Variants in CCNB1 observed in about 807,000 individuals in gnomAD.
CCNB1 encodes the protein cyclin B1, also known as G2/mitotic-specific cyclin-B1.
In CCNB1, 26 loss-of-function variants were observed where a neutral mutation model predicts 44.4. The ratio of observed to expected loss-of-function variants is 0.59; its 90% CI spans 0.43 to 0.81. The LOEUF is 0.81. Ranked by LOEUF, CCNB1 falls within the 40% of genes least tolerant of loss-of-function variation. The pLI, the probability that CCNB1 is intolerant of heterozygous loss-of-function variation, is 0.00. For missense variants in CCNB1, 477 were observed against 520.9 expected, an observed-to-expected ratio of 0.92 and a Z score of 0.82; for synonymous variants, 195 against 181.4, an observed-to-expected ratio of 1.08 and a Z score of -0.60.
chr5:69,170,165 T>TAG (rs1262275202), intron 3 of CCNB1, among the ~76,000 whole-genome samples: 3 of 151,392 alleles, frequency 2.0e-5, no homozygotes, highest in Admixed American at 6.6e-5. Context: ...TTATTTTTAG[T>TAG]AGAGATGGAG....
In CCNB1 at chr5:69,171,423, G is replaced by C. The variant is rs1230841492; in HGVS notation, c.517G>C (p.Asp173His). Reference protein sequence around the residue: ...DPNLCSEYVKDIYAYLRQLEE... With the variant: ...DPNLCSEYVKHIYAYLRQLEE... ...AAACCTTTGTAGTGAATATGTGAAAGATATTTATGCTTATCTGAGACAACT... is the reference window on the plus strand; with the variant it reads ...AAACCTTTGTAGTGAATATGTGAAACATATTTATGCTTATCTGAGACAACT... The change falls in exon 4 of 9, where the codon GAT becomes CAT. Residue 173 changes from aspartate (D) to histidine (H), a missense_variant. By Grantham distance (81) the Asp-to-His change is moderately conservative. Transcript: ENST00000256442. 3 of 1,609,218 alleles carry C rather than the reference G, an allele frequency of 1.9e-6. No homozygotes were observed. Among genetic ancestry groups the C allele is most frequent in the Admixed American group, 3.4e-5 (2 of 58,518 alleles).
Position 69,177,708 on chromosome 5 carries a change from A to C in CCNB1, c.*77A>C. 1 of 825,580 alleles carries C rather than the reference A, an allele frequency of 1.2e-6. No individual in the cohort carries two copies. The highest frequency in any genetic ancestry group is 2.0e-6 in the Non-Finnish European group (1 of 502,724). 51.1% of individuals were successfully genotyped at this position (825,580 alleles called of 1,614,324 possible). A position where few individuals can be genotyped will look rare whatever the true frequency, so the allele number is the denominator to read the frequency against. On this transcript the variant is annotated 3_prime_UTR_variant, in exon 9 of 9. Coordinates refer to ENST00000256442, the MANE Select transcript of CCNB1 (RefSeq NM_031966.4). Reference sequence around the variant, plus strand: ...TGCCATCTGTACATATTACTGTTGCATTTACTTTTAATAAAGCTTGTGGCC... The same window carrying C: ...TGCCATCTGTACATATTACTGTTGCCTTTACTTTTAATAAAGCTTGTGGCC...
intron 1 of CCNB1, chr5:69,167,606 C>G (rs1306569822): frequency 2.0e-6 from 1 of 504,612 alleles, no homozygotes; most frequent in African/African-American, 2.0e-5. Flanking sequence ...CTCTGTAACC[C>G]CCTTCCCAGA....
At chr5:69,173,839 G>A (rs530175771) in intron 4 of CCNB1, among the ~76,000 whole-genome samples, 19 of 151,712 alleles carry the variant, frequency 1.3e-4, no homozygotes, top group African/African-American at 3.4e-4. Context: ...GTGCAATCTC[G>A]GCTCCCTGCA....
intron 3 of CCNB1, among the ~76,000 whole-genome samples, chr5:69,168,933 A>G (rs188402430): frequency 2.6e-5 from 4 of 152,344 alleles, no homozygotes; most frequent in East Asian, 3.9e-4. Flanking sequence ...AATATAAGGT[A>G]TGTAAATGTA....
At chr5:69,173,376 A>T (rs1314165220) in intron 4 of CCNB1, among the ~76,000 whole-genome samples, 2 of 152,232 alleles carry the variant, frequency 1.3e-5, no homozygotes, top group Admixed American at 6.5e-5. Context: ...TGCTGCAGAC[A>T]TCACAGCCTA....
chr5:69,174,321 T>C lies in CCNB1; in HGVS notation c.617T>C (p.Ile206Thr), dbSNP rs770800439. Residue 206 changes from isoleucine (I) to threonine (T), a missense_variant, in exon 5 of 9, where the codon ATT becomes ACT. Ile to Thr is a moderately conservative substitution (Grantham distance 89, BLOSUM62 -1). Coordinates refer to ENST00000256442, the MANE Select transcript of CCNB1 (RefSeq NM_031966.4). ...EVTGNMRAILIDWLVQVQMKF... is the reference protein window; with the variant it reads ...EVTGNMRAILTDWLVQVQMKF... ...ACTGGAAACATGAGAGCCATCCTAA[T>C]TGACTGGCTAGTACAGGTTCAAATG... 1.9e-6 allele frequency: 3 copies of C among 1,614,014 alleles called. No homozygotes were observed. The African/African-American group carries it at 4.0e-5, about 22-fold the overall frequency.
Position 69,174,410 on chromosome 5 carries a change from G to A in CCNB1, c.705+1G>A, listed in dbSNP as rs749248889. 1.9e-6 allele frequency: 3 copies of A among 1,612,854 alleles called. No individual in the cohort carries two copies. The highest frequency in any genetic ancestry group is 2.5e-6 in the Non-Finnish European group (3 of 1,179,562). On this transcript the variant is annotated splice_donor_variant, in intron 5 of 8. Transcript: ENST00000256442. LOFTEE classifies it high-confidence loss of function. ...CTCCATTATTGATCGGTTCATGCAG[G>A]TGAGCATTTCAGTAAGAGTTTTCCC...
At chr5:69,172,192 C>T (rs1747475355) in intron 4 of CCNB1, among the ~76,000 whole-genome samples, 1 of 149,200 alleles carries the variant, frequency 6.7e-6, no homozygotes, top group Non-Finnish European at 1.5e-5. Context: ...ATTCTCCTGC[C>T]TCGGCCTCCC....
At chr5:69,176,080 G>A (rs983235926) in intron 7 of CCNB1, among the ~76,000 whole-genome samples, 3 of 148,418 alleles carry the variant, frequency 2.0e-5, no homozygotes, top group African/African-American at 7.5e-5. Context: ...TAGACATGGG[G>A]TCTCTCTATA....
intron 6 of CCNB1, 88 bp from the exon 7 acceptor site, chr5:69,175,309 T>C: frequency 8.0e-7 from 1 of 1,247,912 alleles, no homozygotes. Context: ...TAGACAAACA[T>C]TTGTAGTTAA....
chr5:69,168,141 G>C (rs1306442943), intron 2 of CCNB1, 32 bp from the exon 3 acceptor site: 2 of 1,611,836 alleles, frequency 1.2e-6, no homozygotes, highest in Non-Finnish European at 1.7e-6. Flanking sequence ...CTTTGATGCA[G>C]AAACATTTCA....
chr5:69,176,635 G>C (rs1321924680), intron 7 of CCNB1, among the ~76,000 whole-genome samples: 1 of 150,988 alleles, frequency 6.6e-6, no homozygotes, highest in Non-Finnish European at 1.5e-5. Context: ...CTCCCAAAGT[G>C]CTGGGATTAC....
At chr5:69,176,860 TC>T (rs1747606608) in intron 7 of CCNB1, among the ~76,000 whole-genome samples, 1 of 151,560 alleles carries the variant, frequency 6.6e-6, no homozygotes, top group Admixed American at 6.6e-5. Context: ...GCGCCTGTAA[TC>T]CCAGCTACTC....
At chr5:69,177,136 C>G in intron 7 of CCNB1, 103 bp from the exon 8 acceptor site, 1 of 637,762 alleles carries the variant, frequency 1.6e-6, no homozygotes, top group Non-Finnish European at 2.8e-6. Context: ...ATTAATTATA[C>G]AGTACCCATC....
chr5:69,172,311 G>A (rs1447897984), intron 4 of CCNB1, among the ~76,000 whole-genome samples: 3 of 152,134 alleles, frequency 2.0e-5, no homozygotes, highest in African/African-American at 7.2e-5. Flanking sequence ...CCAGGCTGGA[G>A]TGCAGTGGTG....
At chr5:69,171,557 T>G in intron 4 of CCNB1, 105 bp downstream of exon 4, 1 of 760,236 alleles carries the variant, frequency 1.3e-6, no homozygotes. Flanking sequence ...CAGCATTTCT[T>G]AAGAGATCGC....
Position 69,175,396 on chromosome 5 carries a change from G to A in CCNB1, c.943-1G>A. The A allele has an allele frequency of 1.2e-6, 2 of 1,612,982 alleles. No homozygotes were observed. The highest frequency in any genetic ancestry group is 1.7e-6 in the Non-Finnish European group (2 of 1,179,714). The stretch of plus-strand genomic sequence containing the variant: ...ACTCAGTAACATGGGTTTTGTTTCA[G>A]GTTGATGTCGAGCAACATACTTTGG... On this transcript the variant is annotated splice_acceptor_variant, in intron 6 of 8. Transcript: ENST00000256442. LOFTEE classifies it high-confidence loss of function.
Position 69,167,187 on chromosome 5 carries a change from G to T in CCNB1, c.-76G>T, listed in dbSNP as rs164390. The stretch of plus-strand genomic sequence containing the variant: ...CGGAACGGCTGTTGGTTTCTGCTGG[G>T]TGTAGGTCCTTGGCTGGTCGGGCCT... On this transcript the variant is annotated 5_prime_UTR_variant, in exon 1 of 9. Coordinates refer to ENST00000256442, the MANE Select transcript of CCNB1 (RefSeq NM_031966.4). 550,026 of 1,311,346 alleles carry T rather than the reference G, an allele frequency of 0.42. 116,800 individuals carry two copies. The highest frequency in any genetic ancestry group is 0.54 in the South Asian group (38,211 of 70,410). 81.2% of individuals were successfully genotyped at this position (1,311,346 alleles called of 1,614,324 possible).
Sources: gnomAD v4.1 joint callset for allele counts (sites outside exome capture counted in the v4.1 genomes callset) on GRCh38, gnomAD v4.1.1 for gene constraint, MANE v1.5 for transcripts, NCBI Gene and HGNC (gene_info 2026-07-23, HGNC 2026-07-21) for gene names.